Variants in CSNK1G2 observed in about 807,000 individuals in gnomAD.
The protein encoded by CSNK1G2 is casein kinase I isoform gamma-2.
In CSNK1G2, 11 loss-of-function variants were observed where a neutral mutation model predicts 48.0. The ratio of observed to expected loss-of-function variants is 0.23; its 90% confidence interval spans 0.14 to 0.38. CSNK1G2 has a LOEUF of 0.38. Ranked by LOEUF, CSNK1G2 falls within the 10% of genes least tolerant of loss-of-function variation. The pLI is 1.00. For synonymous variants in CSNK1G2, 337 were observed against 254.1 expected, an observed-to-expected ratio of 1.33 and a Z score of -3.10; for missense variants, 446 against 595.5, an observed-to-expected ratio of 0.75 and a Z score of 2.61.
intron 1 of CSNK1G2, among the ~76,000 whole-genome samples, chr19:1,955,022 G>GCTT (rs2014934193): frequency 6.6e-6 from 1 of 152,114 alleles, no homozygotes; most frequent in Non-Finnish European, 1.5e-5. Context: ...TTACGTCCTC[G>GCTT]CTTCCTTCCA....
At chr19:1,967,153 C>T (rs988601762) in intron 1 of CSNK1G2, among the ~76,000 whole-genome samples, 6 of 152,198 alleles carry the variant, frequency 3.9e-5, no homozygotes, top group Admixed American at 6.5e-5. Context: ...CGGCTGTTGC[C>T]GTGCGGAACC....
intron 1 of CSNK1G2, among the ~76,000 whole-genome samples, chr19:1,943,476 T>C (rs767263695): frequency 1.3e-5 from 2 of 152,168 alleles, no homozygotes; most frequent in Non-Finnish European, 2.9e-5. Context: ...AATACAGTAA[T>C]TACTCTGGGC....
At chr19:1,965,707 A>G (rs1327039173) in intron 1 of CSNK1G2, among the ~76,000 whole-genome samples, 1 of 152,014 alleles carries the variant, frequency 6.6e-6, no homozygotes, top group East Asian at 1.9e-4. Flanking sequence ...CATGTTCCTC[A>G]GGCTGGTCTT....
intron 1 of CSNK1G2, among the ~76,000 whole-genome samples, chr19:1,962,964 C>G (rs2015247801): frequency 6.6e-6 from 1 of 152,120 alleles, no homozygotes. Context: ...GTGTGGCCCT[C>G]CATGCACTGG....
At chr19:1,959,543 C>A (rs1315304484) in intron 1 of CSNK1G2, among the ~76,000 whole-genome samples, 1 of 147,746 alleles carries the variant, frequency 6.8e-6, no homozygotes, top group Non-Finnish European at 1.5e-5. Context: ...CCCCCAGCAC[C>A]TGTGCCACCT....
Position 1,979,972 on chromosome 19 carries a change from C to T in CSNK1G2, c.1148C>T (p.Ala383Val). ...ADDPTAGHSN[A>V]PITAPAEVEV... Reference sequence around the variant, plus strand: ...GACCCCACGGCCGGCCACTCCAACGCCCCGATCACAGCGCCTGCAGAGGTG... The same window carrying T: ...GACCCCACGGCCGGCCACTCCAACGTCCCGATCACAGCGCCTGCAGAGGTG... Residue 383 changes from alanine to valine, a missense_variant, in exon 11 of 12, where the codon GCC (alanine) becomes GTC (valine). Ala to Val is a moderately conservative substitution (Grantham distance 64). Transcript: ENST00000255641. 1 of 1,592,816 alleles carries T rather than the reference C, an allele frequency of 6.3e-7. No homozygotes were observed. Among genetic ancestry groups the T allele is most frequent in the Non-Finnish European group, 8.6e-7 (1 of 1,168,644 alleles).
chr19:1,948,290 G>C (rs1269620843), intron 1 of CSNK1G2, among the ~76,000 whole-genome samples: 1 of 152,160 alleles, frequency 6.6e-6, no homozygotes, highest in Non-Finnish European at 1.5e-5. Context: ...TTGGGAGGCC[G>C]AGGCGGGTGG....
chr19:1,978,253 C>A lies in CSNK1G2; in HGVS notation c.188-52C>A. 2 of 1,599,764 alleles carry A rather than the reference C, an allele frequency of 1.3e-6. No homozygotes were observed. Among genetic ancestry groups the A allele is most frequent in the Non-Finnish European group, 1.7e-6 (2 of 1,170,026 alleles). On this transcript the variant is annotated intron_variant, in intron 2 of 11. Transcript: ENST00000255641. This position sits in a 1 kb window ranked among gnomAD's most constrained non-coding sequence, Gnocchi z 7.3. ...TGCCTCGGGGGTGGGCTGGGGAGGT[C>A]GGGGCTAGGTGGGCCCTGCGCTGGC... is the stretch of plus-strand genomic sequence containing the variant.
At chr19:1,953,440 A>G (rs148477867) in intron 1 of CSNK1G2, 10 of 534,500 alleles carry the variant, frequency 1.9e-5, no homozygotes, top group Admixed American at 1.4e-4. Context: ...AGATGTGTCC[A>G]CTTTGCTTTT....
chr19:1,954,082 C>A (rs776372081), intron 1 of CSNK1G2: 1 of 495,598 alleles, frequency 2.0e-6, no homozygotes, highest in Non-Finnish European at 4.2e-6. Context: ...GGGCGGCTTC[C>A]CTCCTCTCCC....
intron 1 of CSNK1G2, among the ~76,000 whole-genome samples, chr19:1,941,924 C>T (rs1363835192): frequency 6.6e-6 from 1 of 151,930 alleles, no homozygotes; most frequent in African/African-American, 2.4e-5. Flanking sequence ...CCTCACGCCT[C>T]CCCGCGTTCT....
intron 1 of CSNK1G2, among the ~76,000 whole-genome samples, chr19:1,945,148 A>C (rs917621411): frequency 1.3e-5 from 2 of 152,062 alleles, no homozygotes; most frequent in African/African-American, 4.8e-5. Flanking sequence ...TCTGGCCACC[A>C]CCGCTGCTTG....
rs138994312 is a variant in CSNK1G2 at position 1,980,204 on chromosome 19, C to T, written c.*1C>T. 6.0e-4 allele frequency: 962 copies of T among 1,612,860 alleles called. 12 individuals are homozygous for T. The South Asian group carries it at 8.6e-3, about 14-fold the overall frequency. On this transcript the variant is annotated 3_prime_UTR_variant, in exon 12 of 12. Transcript: ENST00000255641. ...AAAATCGCTGCAGCGACACAAGTGACCCTGGGCGCGTGCAGCCCCCTGAAT... is the reference window on the plus strand; with the variant it reads ...AAAATCGCTGCAGCGACACAAGTGATCCTGGGCGCGTGCAGCCCCCTGAAT...
rs1220360080 is a variant in CSNK1G2 at position 1,957,800 on chromosome 19, A to G, written c.-265-11708A>G. Among the ~76,000 whole-genome samples, 10 of 149,472 alleles carry G rather than the reference A, an allele frequency of 6.7e-5. No homozygotes were observed. Among genetic ancestry groups the G allele is most frequent in the Non-Finnish European group, 1.5e-4 (10 of 67,210 alleles). On this transcript the variant is annotated intron_variant, in intron 1 of 11. Transcript: ENST00000255641. This position sits in a 1 kb window ranked among gnomAD's most constrained non-coding sequence, Gnocchi z 5.4. The stretch of plus-strand genomic sequence containing the variant: ...TCGGTGGGTGCCGTGTGTGGGGGGT[A>G]TGTGCTCGGCGGGCGCCGTGTTTGT...
intron 1 of CSNK1G2, among the ~76,000 whole-genome samples, chr19:1,962,066 A>C (rs948202325): frequency 6.6e-6 from 1 of 152,234 alleles, no homozygotes; most frequent in African/African-American, 2.4e-5. Flanking sequence ...GCGGTGGCTC[A>C]CGCCTGTAAT....
chr19:1,978,533 G>A lies in CSNK1G2; in HGVS notation c.298+22G>A, dbSNP rs1195293192. The A allele has an allele frequency of 6.4e-7, 1 of 1,570,272 alleles. No homozygotes were observed. The highest frequency in any genetic ancestry group is 8.6e-7 in the Non-Finnish European group (1 of 1,158,726). ...ACAGGTACCGGGCGGCCCGCGGGTG[G>A]GGCGGGGGCTGCGCAGGGGCAGGGA... On this transcript the variant is annotated intron_variant, in intron 4 of 11. Transcript: ENST00000255641. The surrounding 1 kb of genome is among the most constrained non-coding windows in gnomAD (Gnocchi z 7.3).
intron 1 of CSNK1G2, chr19:1,968,858 A>G (rs1352798885): frequency 6.5e-6 from 1 of 152,804 alleles, no homozygotes; most frequent in Non-Finnish European, 1.5e-5. Flanking sequence ...AGTGGCGTCC[A>G]GCCTGCCCCG....
At chr19:1,952,949 C>T (rs1437092258) in intron 1 of CSNK1G2, 6 of 437,908 alleles carry the variant, frequency 1.4e-5, no homozygotes, top group East Asian at 8.2e-5. Context: ...GGATGTCGCC[C>T]GGCGGCTCCC....
chr19:1,962,689 C>T (rs763402132), intron 1 of CSNK1G2, among the ~76,000 whole-genome samples: 1 of 152,038 alleles, frequency 6.6e-6, no homozygotes, highest in South Asian at 2.1e-4. Flanking sequence ...CTCACAGAAG[C>T]GCTGGGGTGG....
Sources: gnomAD v4.1 joint callset for allele counts (sites outside exome capture counted in the v4.1 genomes callset) on GRCh38, gnomAD v4.1.1 for gene constraint, Gnocchi (gnomAD v3.1) non-coding constraint, MANE v1.5 for transcripts, NCBI Gene and HGNC (gene_info 2026-07-23, HGNC 2026-07-21) for gene names.